Variants in UBASH3A observed in about 807,000 individuals in gnomAD.
UBASH3A encodes ubiquitin associated and SH3 domain containing A.
UBASH3A carries 63 observed loss-of-function variants against 73.5 expected under a neutral mutation model. That is an observed-to-expected ratio of 0.86 (90% CI 0.70 to 1.06). The LOEUF is 1.06. UBASH3A is among the 50% of genes least tolerant of loss of function. The pLI is 0.00. For missense variants in UBASH3A, 860 were observed against 859.0 expected (o/e 1.00, Z -0.02); for synonymous variants, 363 against 351.1 (o/e 1.03, Z -0.38).
In UBASH3A at chr21:42,412,983, TGAGAG is replaced by T. The variant is rs760222320; in HGVS notation, c.355-39_355-35del. On this transcript the variant is annotated intron_variant, in intron 3 of 14. Transcript: ENST00000319294. Reference sequence around the variant, plus strand: ...AATTAAATTAATAGATGACTTCTGATGAGAGGTGTGGAAACACAGGCTCTGTCTCT... The same window carrying T: ...AATTAAATTAATAGATGACTTCTGATGTGTGGAAACACAGGCTCTGTCTCT... The T allele has an allele frequency of 5.3e-6, 8 of 1,508,950 alleles. No homozygotes were observed. In the African/African-American group the frequency reaches 9.7e-5, roughly 18 times the overall value. The allele number at this position is 1,508,950 out of a possible 1,614,324, so 93.5% of individuals were successfully genotyped here.
rs114770540 is a variant in UBASH3A, at chr21:42,407,054, G to A, written c.167+693G>A. On this transcript the variant is annotated intron_variant, in intron 2 of 14. Transcript: ENST00000319294. The stretch of plus-strand genomic sequence containing the variant: ...AGGGTGCCAGGTGTGTGGGTCGGGT[G>A]AGGGCTCTGATTTGAGGTGACCTCA... Among the ~76,000 whole-genome samples the A allele has an allele frequency of 5.6e-3, 849 of 152,254 alleles. 5 individuals are homozygous for A. Among genetic ancestry groups the A allele is most frequent in the African/African-American group, 0.019 (792 of 41,542 alleles).
intron 3 of UBASH3A, among the ~76,000 whole-genome samples, chr21:42,412,487 G>A (rs957025618): frequency 6.6e-6 from 1 of 152,208 alleles, no homozygotes; most frequent in Non-Finnish European, 1.5e-5. Context: ...AAGAGGAGGA[G>A]AGGGTTGGAG....
intron 8 of UBASH3A, among the ~76,000 whole-genome samples, chr21:42,431,219 C>T (rs2146568263): frequency 6.6e-6 from 1 of 152,198 alleles, no homozygotes; most frequent in East Asian, 1.9e-4. Flanking sequence ...GAAGGGTGGC[C>T]TAGCCCCTGA....
rs760117439 is a variant in UBASH3A at position 42,418,436 on chromosome 21, C to G, written c.873C>G (p.Asn291Lys). 1.9e-6 allele frequency: 3 copies of G among 1,614,082 alleles called. No individual in the cohort carries two copies. Among genetic ancestry groups the G allele is most frequent in the South Asian group, 1.1e-5 (1 of 91,092 alleles). The change falls in exon 7 of 15, where the codon AAC becomes AAG. Residue 291 changes from asparagine to lysine, a missense_variant. Physicochemically the swap from Asn to Lys is moderately conservative, Grantham distance 94. Transcript: ENST00000319294. ...CCCTATTCCAGTACAAACCCCAGAA[C>G]GTGGATGAGCTGACGCTAAGTCCTG... ...LRALFQYKPQNVDELTLSPGD... is the reference protein window; with the variant it reads ...LRALFQYKPQKVDELTLSPGD...
At position 42,444,598 on chromosome 21, in the gene UBASH3A, G is replaced by A. The variant is rs61735847; in HGVS notation, c.1803G>A (p.Gly601=). 4.1e-3 allele frequency: 6,672 copies of A among 1,614,138 alleles called. 260 individuals are homozygous for A. The African/African-American group carries it at 0.075, about 18-fold the overall frequency. ...TLDSCTRPLL[G]LPPRECGDFA... Reference sequence around the variant, plus strand: ...ACTCCTGCACGCGGCCACTGCTCGGGCTGCCGCCCCGGGAATGTGGGGATT... The same window carrying A: ...ACTCCTGCACGCGGCCACTGCTCGGACTGCCGCCCCGGGAATGTGGGGATT... Residue 601 remains glycine (G), a synonymous_variant, in exon 14 of 15, where the codon GGG becomes GGA. Coordinates refer to ENST00000319294, the MANE Select transcript of UBASH3A (RefSeq NM_018961.4).
intron 7 of UBASH3A, among the ~76,000 whole-genome samples, chr21:42,424,421 C>T (rs1372448585): frequency 2.6e-5 from 4 of 152,228 alleles, no homozygotes; most frequent in Admixed American, 2.6e-4. Context: ...CGCAAAATCA[C>T]ACTGTAATGT....
At chr21:42,444,426 T>G in intron 13 of UBASH3A, 108 bp from the exon 14 acceptor site, 2 of 821,900 alleles carry the variant, frequency 2.4e-6, no homozygotes, top group Admixed American at 3.7e-5. Flanking sequence ...TCGCCAGGCT[T>G]CGGGGCACTC....
chr21:42,431,869 C>A (rs981047152), intron 8 of UBASH3A, among the ~76,000 whole-genome samples: 2 of 152,206 alleles, frequency 1.3e-5, no homozygotes, highest in Non-Finnish European at 2.9e-5. Flanking sequence ...TGTCTCTTTT[C>A]ATTTTCTTGA....
chr21:42,443,351 C>T lies in UBASH3A; in HGVS notation c.1671C>T (p.Ser557=). 1 of 1,613,456 alleles carries T rather than the reference C, an allele frequency of 6.2e-7. No individual in the cohort carries two copies. The highest frequency in any genetic ancestry group is 1.1e-5 in the South Asian group (1 of 90,922). The change falls in exon 13 of 15, where the codon AGC becomes AGT. Residue 557 remains serine, a synonymous_variant. Transcript: ENST00000319294. ...TGTCCGCCCTCATGCCGGCCGAGAG[C>T]TACCAGGAGTACATGGACAGGTGCA... is the stretch of plus-strand genomic sequence containing the variant. ...FPLSALMPAE[S]YQEYMDRCTA...
At chr21:42,436,367 C>A (rs974931617) in intron 10 of UBASH3A, among the ~76,000 whole-genome samples, 1 of 152,168 alleles carries the variant, frequency 6.6e-6, no homozygotes, top group African/African-American at 2.4e-5. Context: ...ATTCCAGACT[C>A]CCAGTGTGAG....
At chr21:42,416,654 G>T in intron 6 of UBASH3A, 43 bp downstream of exon 6, 1 of 1,447,732 alleles carries the variant, frequency 6.9e-7, no homozygotes. Flanking sequence ...AGATGAATGG[G>T]CTGGGCTCGG....
At chr21:42,420,794 G>A (rs1340463107) in intron 7 of UBASH3A, among the ~76,000 whole-genome samples, 3 of 152,190 alleles carry the variant, frequency 2.0e-5, no homozygotes, top group Admixed American at 1.3e-4. Context: ...CCTTCCAACT[G>A]CATAAGTCAG....
At chr21:42,415,232 C>T (rs910913565) in intron 5 of UBASH3A, among the ~76,000 whole-genome samples, 1 of 152,240 alleles carries the variant, frequency 6.6e-6, no homozygotes, top group Admixed American at 6.5e-5. Context: ...ACGTCAGCAA[C>T]CTGCAGTGGG....
chr21:42,408,560 T>C (rs1424515611), intron 2 of UBASH3A, among the ~76,000 whole-genome samples: 1 of 152,200 alleles, frequency 6.6e-6, no homozygotes, highest in Non-Finnish European at 1.5e-5. Context: ...AGTTGAAAGG[T>C]CTGTCCTTAA....
chr21:42,446,166 C>A (rs2053840859), intron 14 of UBASH3A, among the ~76,000 whole-genome samples: 1 of 152,214 alleles, frequency 6.6e-6, no homozygotes, highest in African/African-American at 2.4e-5. Flanking sequence ...CCCTTCACCC[C>A]CTTCCATAGA....
intron 8 of UBASH3A, among the ~76,000 whole-genome samples, chr21:42,429,906 G>A (rs994044173): frequency 2.8e-4 from 43 of 152,052 alleles, no homozygotes; most frequent in Admixed American, 2.0e-3. Flanking sequence ...GACTGCAAAC[G>A]TTCTCACTGG....
At chr21:42,441,998 C>T (rs1449999564) in intron 11 of UBASH3A, among the ~76,000 whole-genome samples, 1 of 152,214 alleles carries the variant, frequency 6.6e-6, no homozygotes, top group Admixed American at 6.5e-5. Flanking sequence ...TCACCTCTTG[C>T]CCCGTCTGTG....
At chr21:42,442,357 T>C in intron 11 of UBASH3A, 95 bp from the exon 12 acceptor site, 1 of 1,254,066 alleles carries the variant, frequency 8.0e-7, no homozygotes, top group African/African-American at 1.5e-5. Flanking sequence ...GATTTAGACG[T>C]GTGTGTGACG....
rs143995406 is a variant in UBASH3A, at chr21:42,415,118, C to T, written c.668-1324C>T. On this transcript the variant is annotated intron_variant, in intron 5 of 14. Coordinates refer to ENST00000319294, the MANE Select transcript of UBASH3A (RefSeq NM_018961.4). ...CTCTTGGGGCAAATGCATGAGGCCC[C>T]CTTGCCCGCGTTGGTCCTCCCCAGT... Among the ~76,000 whole-genome samples, 6 of 152,316 alleles carry T rather than the reference C, an allele frequency of 3.9e-5. No homozygotes were observed. In the East Asian group the frequency reaches 5.8e-4, roughly 15 times the overall value.
Sources: allele counts gnomAD v4.1 joint callset (sites outside exome capture counted in the v4.1 genomes callset), GRCh38; gene constraint gnomAD v4.1.1; transcripts MANE v1.5; gene names NCBI Gene and HGNC (gene_info 2026-07-23, HGNC 2026-07-21).